CDC25C: variants seen among roughly 807,000 people sequenced by gnomAD.
CDC25C encodes M-phase inducer phosphatase 3.
In CDC25C, 48 loss-of-function variants were observed where a neutral mutation model predicts 52.5. The ratio of observed to expected loss-of-function variants is 0.91; its 90% CI spans 0.72 to 1.16. The LOEUF is 1.16. Ranked by LOEUF, CDC25C falls within the 50% of genes most tolerant of loss-of-function variation. The pLI is 0.00. For missense variants in CDC25C, 510 were observed against 566.1 expected, an observed-to-expected ratio of 0.90 and a Z score of 1.01; for synonymous variants, 187 against 206.5, an observed-to-expected ratio of 0.91 and a Z score of 0.81.
chr5:138,309,487 G>A (rs1158079185), intron 7 of CDC25C, among the ~76,000 whole-genome samples: 1 of 151,324 alleles, frequency 6.6e-6, no homozygotes, highest in Non-Finnish European at 1.5e-5. Flanking sequence ...AACCCTGGAG[G>A]CGGAAGTTGC....
At chr5:138,324,448 GAA>G (rs869199931) in intron 6 of CDC25C, among the ~76,000 whole-genome samples, 1 of 145,066 alleles carries the variant, frequency 6.9e-6, no homozygotes. Context: ...CTAGGGAGAG[GAA>G]AAAAAAAAAC....
rs1156334542 is a variant in CDC25C at position 138,292,052 on chromosome 5, T to C, written c.680A>G (p.Lys227Arg). ...GTTGTCCTTGAATTTTTCCACCTGC[T>C]TCAGTCTTGGCCTGTTCAAGTTCTC... is the stretch of plus-strand genomic sequence containing the variant. The part of the protein sequence containing the change: ...MPENLNRPRL[K>R]QVEKFKDNTI... Residue 227 changes from lysine (K) to arginine (R), a missense_variant, in exon 8 of 14, where the codon AAG becomes AGG. By Grantham distance (26) the Lys-to-Arg change is conservative. Coordinates refer to ENST00000323760, the MANE Select transcript of CDC25C (RefSeq NM_001790.5). The C allele has an allele frequency of 1.9e-6, 3 of 1,613,730 alleles. No individual in the cohort carries two copies. The highest frequency in any genetic ancestry group is 4.5e-5 in the East Asian group (2 of 44,866).
In CDC25C at chr5:138,298,524, G is replaced by A. The variant is rs989977403; in HGVS notation, c.616-6408C>T. On this transcript the variant is annotated intron_variant, in intron 7 of 13. Coordinates refer to ENST00000323760, the MANE Select transcript of CDC25C (RefSeq NM_001790.5). The stretch of plus-strand genomic sequence containing the variant: ...CCTAGCACTTTGGGAGGCTGAGGCG[G>A]GCAGATCACAAGGTCAAGAGATCGA... Among the ~76,000 whole-genome samples the A allele has an allele frequency of 8.5e-5, 13 of 152,056 alleles. No homozygotes were observed. The East Asian group carries it at 2.3e-3, about 27-fold the overall frequency.
chr5:138,330,515 C>A (rs1338886145), intron 2 of CDC25C, among the ~76,000 whole-genome samples: 1 of 152,074 alleles, frequency 6.6e-6, no homozygotes, highest in Non-Finnish European at 1.5e-5. Context: ...TTTGTCTTTT[C>A]TTTTCTTTTT....
intron 6 of CDC25C, among the ~76,000 whole-genome samples, chr5:138,320,645 C>A (rs1037692531): frequency 1.3e-5 from 2 of 151,780 alleles, no homozygotes; most frequent in Non-Finnish European, 2.9e-5. Context: ...CATGGCAAAA[C>A]CCTGATTCTA....
At position 138,331,663 on chromosome 5, in the gene CDC25C, G is replaced by C. The variant is rs1760394205; in HGVS notation, c.-107C>G. Reference sequence around the variant, plus strand: ...TAGATAGGGATCGGACACAGGCGAAGACTTGAGCAGAATGAAAGGAAATCT... The same window carrying C: ...TAGATAGGGATCGGACACAGGCGAACACTTGAGCAGAATGAAAGGAAATCT... On this transcript the variant is annotated 5_prime_UTR_variant, in exon 1 of 14. Coordinates refer to ENST00000323760, the MANE Select transcript of CDC25C (RefSeq NM_001790.5). 1.0e-6 allele frequency: 1 copy of C among 995,336 alleles called. No individual in the cohort carries two copies. 61.7% of individuals were successfully genotyped at this position (995,336 alleles called of 1,614,324 possible).
intron 1 of CDC25C, chr5:138,336,894 T>C (rs1043923101): frequency 3.9e-5 from 6 of 152,102 alleles, no homozygotes; most frequent in Non-Finnish European, 7.3e-5. Flanking sequence ...TGGTGGCTCC[T>C]GCCTCCTCCC....
In CDC25C at chr5:138,285,486, T is replaced by C. The variant is rs1580691254; in HGVS notation, c.*206A>G. ...CTCTATGCAACTCAAGGCTGCCTTA[T>C]AGAGCCAGCTCCAGGACTCTGCCAC... On this transcript the variant is annotated 3_prime_UTR_variant, in exon 14 of 14. Transcript: ENST00000323760. 6.7e-6 allele frequency: 4 copies of C among 595,862 alleles called. No homozygotes were observed. Among genetic ancestry groups the C allele is most frequent in the Non-Finnish European group, 9.0e-6 (3 of 334,714 alleles). 36.9% of individuals were successfully genotyped at this position (595,862 alleles called of 1,614,324 possible). A position where few individuals can be genotyped will look rare whatever the true frequency, so the allele number is the denominator to read the frequency against.
chr5:138,298,842 A>G (rs1158400174), intron 7 of CDC25C, among the ~76,000 whole-genome samples: 1 of 152,170 alleles, frequency 6.6e-6, no homozygotes, highest in Non-Finnish European at 1.5e-5. Flanking sequence ...TCTGACCACA[A>G]TGGAATAAAA....
At chr5:138,286,425 G>T in intron 12 of CDC25C, 72 bp downstream of exon 12, 1 of 1,439,504 alleles carries the variant, frequency 6.9e-7, no homozygotes, top group African/African-American at 1.4e-5. Context: ...GTCAGTCTCT[G>T]TCTGAACTGG....
At chr5:138,298,909 T>C (rs1757413675) in intron 7 of CDC25C, among the ~76,000 whole-genome samples, 1 of 150,658 alleles carries the variant, frequency 6.6e-6, no homozygotes, top group African/African-American at 2.4e-5. Flanking sequence ...GAAAATTAAA[T>C]AGGCCAGGTG....
intron 9 of CDC25C, among the ~76,000 whole-genome samples, chr5:138,289,871 CAAA>C (rs756616111): frequency 1.2e-4 from 10 of 80,350 alleles, no homozygotes; most frequent in Middle Eastern, 7.6e-3. Context: ...TATGAGCAGC[CAAA>C]AAAAAAAAAA....
chr5:138,330,977 G>T lies in CDC25C; in HGVS notation c.194+10C>A, dbSNP rs1393751737. On this transcript the variant is annotated intron_variant, in intron 2 of 13. Coordinates refer to ENST00000323760, the MANE Select transcript of CDC25C (RefSeq NM_001790.5). The stretch of plus-strand genomic sequence containing the variant: ...AAGGCAATACAGTGTAAAAATAAAA[G>T]TATATTTACCCAGACAAAATGCTTA... 13 of 1,567,966 alleles carry T rather than the reference G, an allele frequency of 8.3e-6. No individual in the cohort carries two copies. In the Admixed American group the frequency reaches 2.2e-4, roughly 26 times the overall value.
chr5:138,306,735 C>T (rs1236027749), intron 7 of CDC25C, among the ~76,000 whole-genome samples: 4 of 151,390 alleles, frequency 2.6e-5, no homozygotes, highest in African/African-American at 4.9e-5. Flanking sequence ...CTCAGCCTCC[C>T]AAAGTGCTGG....
chr5:138,330,455 T>C (rs1760272517), intron 2 of CDC25C, among the ~76,000 whole-genome samples: 1 of 152,184 alleles, frequency 6.6e-6, no homozygotes, highest in Non-Finnish European at 1.5e-5. Context: ...AGTTATCACA[T>C]CATTTGATTC....
At chr5:138,331,327 G>T in intron 1 of CDC25C, 109 bp from the exon 2 acceptor site, 1 of 794,194 alleles carries the variant, frequency 1.3e-6, no homozygotes, top group Non-Finnish European at 2.0e-6. Flanking sequence ...GGGCAACCCC[G>T]AAGGGTGATT....
chr5:138,319,461 G>A, intron 6 of CDC25C, 87 bp from the exon 7 acceptor site: 1 of 1,023,158 alleles, frequency 9.8e-7, no homozygotes, highest in Non-Finnish European at 1.4e-6. Context: ...ACTCTTAGAA[G>A]AAAAGATAAG....
At chr5:138,307,582 C>CCATAAAA (rs950343078) in intron 7 of CDC25C, among the ~76,000 whole-genome samples, 1 of 151,014 alleles carries the variant, frequency 6.6e-6, no homozygotes, top group African/African-American at 2.4e-5. Flanking sequence ...GAAAATGAGC[C>CCATAAAA]CATAAAAGGA....
At chr5:138,325,931 T>G (rs754727022) in intron 5 of CDC25C, 27 bp from the exon 6 acceptor site, 57 of 1,609,762 alleles carry the variant, frequency 3.5e-5, no homozygotes, top group Non-Finnish European at 4.2e-5. Flanking sequence ...GCTGAGAACG[T>G]CCAGCATCCT....
Sources: gnomAD v4.1 joint callset for allele counts (sites outside exome capture counted in the v4.1 genomes callset) on GRCh38, gnomAD v4.1.1 for gene constraint, MANE v1.5 for transcripts, NCBI Gene and HGNC (gene_info 2026-07-23, HGNC 2026-07-21) for gene names.